The following RUNX2 variants were observed in gnomAD, a reference collection of about 807,000 sequenced individuals.
The protein encoded by RUNX2 is runt-related transcription factor 2.
A neutral mutation model predicts 51.7 loss-of-function variants in RUNX2; 10 were observed. That is an observed-to-expected ratio of 0.19 (90% CI 0.12 to 0.33). The LOEUF is 0.33. Ranked by LOEUF, RUNX2 falls within the 10% of genes least tolerant of loss-of-function variation. The pLI is 1.00. For missense variants in RUNX2, 562 were observed against 691.3 expected, an observed-to-expected ratio of 0.81 and a Z score of 2.10; for synonymous variants, 276 against 273.6, an observed-to-expected ratio of 1.01 and a Z score of -0.09.
At chr6:45,469,590 C>T (rs369980594) in intron 5 of RUNX2, among the ~76,000 whole-genome samples, 5 of 152,160 alleles carry the variant, frequency 3.3e-5, no homozygotes, top group South Asian at 2.1e-4. Flanking sequence ...AGAGAAAATA[C>T]GGAGAAAGTG....
At chr6:45,380,215 C>T (rs931524617) in intron 2 of RUNX2, among the ~76,000 whole-genome samples, 7 of 152,184 alleles carry the variant, frequency 4.6e-5, no homozygotes, top group Admixed American at 2.6e-4. Context: ...GCTAAAACAG[C>T]GAAGCTGTTG....
intron 7 of RUNX2, among the ~76,000 whole-genome samples, chr6:45,529,674 T>G (rs1801781587): frequency 6.6e-6 from 1 of 152,044 alleles, no homozygotes. Context: ...TGAAAAAATG[T>G]AATGTGAATT....
In RUNX2 at chr6:45,519,790, A is replaced by ATGTG. The variant is rs35210688; in HGVS notation, c.1021+7427_1021+7430dup. ...AGGATGCTATTATATATATATATAT[A>ATGTG]TGTGTGTGTGTGTGTGTGTGTGTGT... On this transcript the variant is annotated intron_variant, in intron 7 of 8. Transcript: ENST00000647337. 7.6e-3 allele frequency among the ~76,000 whole-genome samples: 945 copies of ATGTG among 124,096 alleles called. 6 individuals are homozygous for ATGTG. The highest frequency in any genetic ancestry group is 0.014 in the South Asian group (53 of 3,750). 81.4% of individuals were successfully genotyped at this position (124,096 alleles called of 152,430 possible). A position where few individuals can be genotyped will look rare whatever the true frequency, so the allele number is the denominator to read the frequency against.
intron 2 of RUNX2, among the ~76,000 whole-genome samples, chr6:45,414,270 G>A (rs1288781314): frequency 6.6e-6 from 1 of 152,030 alleles, no homozygotes; most frequent in African/African-American, 2.4e-5. Flanking sequence ...GGGAATCATG[G>A]TACCAAGGCC....
rs187601366 is a variant in RUNX2, at chr6:45,359,323, T to C, written c.58+30539T>C. On this transcript the variant is annotated intron_variant, in intron 2 of 8. Transcript: ENST00000647337. ...TTTTTATGTTCTCAATCTGCTTTTA[T>C]ACATAATATCACTTTCAGGAAATCT... 2.1e-3 allele frequency among the ~76,000 whole-genome samples: 325 copies of C among 152,300 alleles called. 1 individual carries two copies. Among genetic ancestry groups the C allele is most frequent in the African/African-American group, 7.5e-3 (311 of 41,590 alleles).
At chr6:45,378,091 C>A (rs375375464) in intron 2 of RUNX2, 1 of 152,112 alleles carries the variant, frequency 6.6e-6, no homozygotes, top group Non-Finnish European at 1.5e-5. Context: ...CCAGCCCGAG[C>A]GAGCTACTTC....
At chr6:45,406,233 G>C (rs1797831334) in intron 2 of RUNX2, among the ~76,000 whole-genome samples, 1 of 151,804 alleles carries the variant, frequency 6.6e-6, no homozygotes, top group Admixed American at 6.6e-5. Context: ...CTATGATAAG[G>C]GAACTTAACC....
intron 5 of RUNX2, among the ~76,000 whole-genome samples, chr6:45,458,990 G>C (rs749550989): frequency 1.4e-4 from 22 of 152,190 alleles, no homozygotes; most frequent in Non-Finnish European, 2.4e-4. Flanking sequence ...TGAGCCACTT[G>C]CCTTCTTCCT....
At chr6:45,349,653 G>A (rs372261550) in intron 2 of RUNX2, among the ~76,000 whole-genome samples, 1 of 152,126 alleles carries the variant, frequency 6.6e-6, no homozygotes, top group Non-Finnish European at 1.5e-5. Flanking sequence ...TAAGTCATAG[G>A]TTGTTTCACT....
intron 5 of RUNX2, among the ~76,000 whole-genome samples, chr6:45,477,824 A>G (rs932067072): frequency 2.0e-5 from 3 of 152,212 alleles, no homozygotes; most frequent in Non-Finnish European, 4.4e-5. Flanking sequence ...AAACCAATGC[A>G]TGGCACACCC....
intron 4 of RUNX2, among the ~76,000 whole-genome samples, chr6:45,432,509 G>T (rs1239193703): frequency 7.3e-5 from 11 of 151,074 alleles, no homozygotes; most frequent in East Asian, 1.9e-4. Flanking sequence ...AAAAACCATG[G>T]TTTTTTTTTA....
intron 7 of RUNX2, among the ~76,000 whole-genome samples, chr6:45,534,231 G>A (rs1582217350): frequency 6.6e-6 from 1 of 151,900 alleles, no homozygotes; most frequent in African/African-American, 2.4e-5. Context: ...GAAAGTAGTA[G>A]ATGCTAATGA....
chr6:45,483,100 T>C (rs895218610), intron 5 of RUNX2, among the ~76,000 whole-genome samples: 1 of 152,214 alleles, frequency 6.6e-6, no homozygotes, highest in African/African-American at 2.4e-5. Context: ...ACTAACATTG[T>C]TCTAGGGCTG....
intron 3 of RUNX2, among the ~76,000 whole-genome samples, chr6:45,423,971 T>C (rs569322653): frequency 3.5e-4 from 54 of 152,172 alleles, no homozygotes; most frequent in African/African-American, 1.2e-3. Context: ...AAAACGGAGG[T>C]GAAATTTTGT....
At chr6:45,479,465 C>A (rs78519792) in intron 5 of RUNX2, among the ~76,000 whole-genome samples, 3,033 of 152,110 alleles carry the variant, frequency 0.02, 110 homozygotes, top group African/African-American at 0.069. Context: ...AGGACGGTAT[C>A]CCTAATTACC....
chr6:45,435,916 G>C (rs972858114), intron 4 of RUNX2, among the ~76,000 whole-genome samples: 2 of 152,132 alleles, frequency 1.3e-5, no homozygotes, highest in African/African-American at 4.8e-5. Flanking sequence ...ATTGTTTTGA[G>C]GTTCTAACTT....
chr6:45,458,707 CA>C, intron 5 of RUNX2, among the ~76,000 whole-genome samples: 3 of 152,322 alleles, frequency 2.0e-5, no homozygotes, highest in African/African-American at 7.2e-5. Context: ...ATGGACCTTT[CA>C]AGGTTCATAT....
At chr6:45,371,394 C>CTT (rs560509544) in intron 2 of RUNX2, among the ~76,000 whole-genome samples, 4,263 of 138,876 alleles carry the variant, frequency 0.031, 87 homozygotes, top group South Asian at 0.047. Context: ...TATTAGCTCA[C>CTT]TTTTTTTTTT....
chr6:45,541,953 C>A (rs1167756939), intron 7 of RUNX2, among the ~76,000 whole-genome samples: 1 of 152,020 alleles, frequency 6.6e-6, no homozygotes, highest in African/African-American at 2.4e-5. Context: ...AAAGTAAAGG[C>A]CTTCAAATGT....
Sources: gnomAD v4.1 joint callset for allele counts (sites outside exome capture counted in the v4.1 genomes callset) on GRCh38, gnomAD v4.1.1 for gene constraint, MANE v1.5 for transcripts, NCBI Gene and HGNC (gene_info 2026-07-23, HGNC 2026-07-21) for gene names.